The following CELF2 variants were observed in gnomAD, a reference collection of about 807,000 sequenced individuals.
CELF2 encodes the protein CUG triplet repeat RNA-binding protein 2.
A neutral mutation model predicts 62.6 loss-of-function variants in CELF2; 8 were observed. That is an observed-to-expected ratio of 0.13 (90% confidence interval 0.07 to 0.23). The LOEUF (loss-of-function observed/expected upper bound fraction) is 0.23. Among genes scored for constraint, CELF2 ranks in the 10% least tolerant of loss-of-function variants. The probability of loss-of-function intolerance (pLI) is 1.00; values close to 1 mark genes in which losing one functional copy is unlikely to be tolerated. For missense variants in CELF2, 333 were observed against 671.0 expected (o/e 0.50, Z 5.56); for synonymous variants, 258 against 250.0 (o/e 1.03, Z -0.30).
At chr10:11,277,108 G>A (rs1295440311) in intron 8 of CELF2, among the ~76,000 whole-genome samples, 2 of 152,096 alleles carry the variant, frequency 1.3e-5, no homozygotes, top group East Asian at 1.9e-4. Context: ...TGTAGCTGTC[G>A]GGCTCTGTGA....
intron 2 of CELF2, among the ~76,000 whole-genome samples, chr10:10,925,713 C>CA (rs2065397312): frequency 6.6e-6 from 1 of 152,080 alleles, no homozygotes; most frequent in African/African-American, 2.4e-5. Context: ...AAGTACAGGC[C>CA]AGGGGATAGC....
At chr10:10,499,694 G>C in the CELF2 span, among the ~76,000 whole-genome samples, 1 of 152,138 alleles carries the variant, frequency 6.6e-6, no homozygotes, top group Admixed American at 6.5e-5. Context: ...CCTGGTCAAC[G>C]TGGTGAAATC....
At chr10:10,557,200 T>A in the CELF2 span, among the ~76,000 whole-genome samples, 1 of 135,598 alleles carries the variant, frequency 7.4e-6, no homozygotes, top group Non-Finnish European at 1.5e-5. Flanking sequence ...CATCTTGAAT[T>A]GATTTTTGTA....
At chr10:11,301,960 C>T (rs554157489) in intron 9 of CELF2, among the ~76,000 whole-genome samples, 9 of 152,288 alleles carry the variant, frequency 5.9e-5, no homozygotes, top group South Asian at 4.1e-4. Flanking sequence ...CAGCCGCCTC[C>T]GCCTTCGCTG....
At chr10:10,499,426 A>C in the CELF2 span, among the ~76,000 whole-genome samples, 2 of 152,146 alleles carry the variant, frequency 1.3e-5, no homozygotes, top group Non-Finnish European at 2.9e-5. Context: ...ATTCAAAAGG[A>C]GGGCTAAACT....
chr10:10,502,081 G>T, the CELF2 span, among the ~76,000 whole-genome samples: 1 of 151,838 alleles, frequency 6.6e-6, no homozygotes, highest in South Asian at 2.1e-4. Context: ...TTCCAATGTT[G>T]AACCAGGTTG....
the CELF2 span, among the ~76,000 whole-genome samples, chr10:10,689,045 A>G: frequency 6.6e-6 from 1 of 152,164 alleles, no homozygotes; most frequent in African/African-American, 2.4e-5. Context: ...TTTAAAGAAG[A>G]AAAAATATGG....
rs932691884 is a variant in CELF2 at position 11,109,369 on chromosome 10, G to A, written c.75-56117G>A. Reference sequence around the variant, plus strand: ...TAGCAAACAGACTTGGGCATCATGGGTAAAGGCCTCCAAGAAAGCAGTGAT... The same window carrying A: ...TAGCAAACAGACTTGGGCATCATGGATAAAGGCCTCCAAGAAAGCAGTGAT... On this transcript the variant is annotated intron_variant, in intron 1 of 12. Transcript: ENST00000633077. Among the ~76,000 whole-genome samples, 3 of 152,176 alleles carry A rather than the reference G, an allele frequency of 2.0e-5. No individual in the cohort carries two copies. In the South Asian group the frequency reaches 6.2e-4, roughly 31 times the overall value.
intron 1 of CELF2, among the ~76,000 whole-genome samples, chr10:11,147,012 T>G (rs1300760491): frequency 1.3e-5 from 2 of 152,216 alleles, no homozygotes; most frequent in Non-Finnish European, 2.9e-5. Context: ...AAATAAAAAT[T>G]ACTGGAAGTC....
At chr10:10,607,405 C>T in the CELF2 span, among the ~76,000 whole-genome samples, 1 of 152,186 alleles carries the variant, frequency 6.6e-6, no homozygotes, top group African/African-American at 2.4e-5. Flanking sequence ...CTTGTAGGTT[C>T]AAACTACCAG....
At chr10:11,286,800 C>T (rs956065299) in intron 8 of CELF2, among the ~76,000 whole-genome samples, 1 of 152,212 alleles carries the variant, frequency 6.6e-6, no homozygotes, top group Non-Finnish European at 1.5e-5. Flanking sequence ...CACAATACTT[C>T]TGTCCCACTT....
At position 11,228,333 on chromosome 10, in the gene CELF2, A is replaced by G. The variant is rs755670474; in HGVS notation, c.354+10826A>G. Among the ~76,000 whole-genome samples, 27 of 151,768 alleles carry G rather than the reference A, an allele frequency of 1.8e-4. No individual in the cohort carries two copies. The East Asian group carries it at 2.5e-3, about 14-fold the overall frequency. On this transcript the variant is annotated intron_variant, in intron 3 of 12. Coordinates refer to ENST00000633077, the MANE Select transcript of CELF2 (RefSeq NM_001326342.2). ...ACTTTATATATACTTGATCTCACAT[A>G]AAAAACAAATAAGGTAGTAATTTGT...
the CELF2 span, among the ~76,000 whole-genome samples, chr10:10,650,083 C>A: frequency 6.6e-6 from 1 of 152,326 alleles, no homozygotes. Flanking sequence ...CTATTTGATG[C>A]TCCGCAGATG....
intron 1 of CELF2, among the ~76,000 whole-genome samples, chr10:10,873,898 G>A (rs1173221994): frequency 1.3e-5 from 2 of 152,170 alleles, no homozygotes; most frequent in African/African-American, 4.8e-5. Flanking sequence ...GCGGGCAGGT[G>A]GCACATTGCT....
At chr10:11,079,743 C>T (rs1008111434) in intron 1 of CELF2, among the ~76,000 whole-genome samples, 2 of 77,252 alleles carry the variant, frequency 2.6e-5, no homozygotes, top group South Asian at 8.0e-4. Context: ...CTAATACAGC[C>T]CCCCCCCCCT....
At chr10:10,731,518 T>C in the CELF2 span, among the ~76,000 whole-genome samples, 1 of 152,200 alleles carries the variant, frequency 6.6e-6, no homozygotes, top group Non-Finnish European at 1.5e-5. Context: ...CTGAAAGTTG[T>C]AGATAGAAAA....
the CELF2 span, among the ~76,000 whole-genome samples, chr10:10,517,186 A>G: frequency 0.094 from 14,327 of 152,200 alleles, 787 homozygotes; most frequent in Middle Eastern, 0.19. Flanking sequence ...ATAGACAGGC[A>G]TGATTAGGGT....
chr10:11,027,298 C>G lies in CELF2; in HGVS notation c.74+9135C>G, dbSNP rs140642901. ...GCTCATGTTTTCCTGTCTGCTCGTT[C>G]CCCCTTTTCTTTTACGCTCTGATGT... On this transcript the variant is annotated intron_variant, in intron 1 of 12. Coordinates refer to ENST00000633077, the MANE Select transcript of CELF2 (RefSeq NM_001326342.2). 8.0e-4 allele frequency among the ~76,000 whole-genome samples: 122 copies of G among 152,292 alleles called. 2 individuals carry two copies. The highest frequency in any genetic ancestry group is 2.7e-3 in the African/African-American group (114 of 41,558).
the CELF2 span, among the ~76,000 whole-genome samples, chr10:10,785,823 T>C: frequency 3.3e-5 from 5 of 152,158 alleles, no homozygotes; most frequent in Non-Finnish European, 5.9e-5. Flanking sequence ...ATGGTGACTA[T>C]ATAGTAAATG....
Sources: gnomAD v4.1 joint callset for allele counts (sites outside exome capture counted in the v4.1 genomes callset) on GRCh38, gnomAD v4.1.1 for gene constraint, MANE v1.5 for transcripts, NCBI Gene and HGNC (gene_info 2026-07-23, HGNC 2026-07-21) for gene names.